The following RBM19 variants were observed in gnomAD, a reference collection of about 807,000 sequenced individuals.
RBM19 encodes the protein RNA binding motif protein 19.
A neutral mutation model predicts 116.8 loss-of-function variants in RBM19; 94 were observed. That is an observed-to-expected ratio of 0.80 (90% CI 0.68 to 0.95). The LOEUF is 0.95. Ranked by LOEUF, RBM19 falls within the 40% of genes least tolerant of loss-of-function variation. RBM19 has a pLI of 0.00. For synonymous variants in RBM19, 475 were observed against 494.1 expected (o/e 0.96, Z 0.51); for missense variants, 1,161 against 1,220.7 (o/e 0.95, Z 0.73).
At chr12:113,848,695 G>T (rs138629432) in intron 22 of RBM19, among the ~76,000 whole-genome samples, 2,662 of 152,134 alleles carry the variant, frequency 0.017, 92 homozygotes, top group African/African-American at 0.06. Context: ...TCCCTCCCTG[G>T]TGTCTACCTA....
At chr12:113,874,285 T>A (rs996630201) in intron 21 of RBM19, among the ~76,000 whole-genome samples, 3 of 152,026 alleles carry the variant, frequency 2.0e-5, no homozygotes, top group African/African-American at 4.8e-5. Context: ...ATGAATGGAG[T>A]TATTAATGGA....
At chr12:113,923,712 C>G (rs919887062) in intron 18 of RBM19, among the ~76,000 whole-genome samples, 1 of 152,246 alleles carries the variant, frequency 6.6e-6, no homozygotes, top group African/African-American at 2.4e-5. Context: ...CTCTGCCCCC[C>G]ACCCCTCCCA....
chr12:113,907,843 G>T (rs1882170597), intron 21 of RBM19, among the ~76,000 whole-genome samples: 1 of 152,204 alleles, frequency 6.6e-6, no homozygotes, highest in Non-Finnish European at 1.5e-5. Flanking sequence ...ATCAAGGTAG[G>T]ATGAGGTCAT....
At chr12:113,962,188 T>A (rs755005483) in intron 2 of RBM19, 44 bp downstream of exon 2, 1 of 1,602,082 alleles carries the variant, frequency 6.2e-7, no homozygotes, top group South Asian at 1.1e-5. Flanking sequence ...TCAAACAACG[T>A]CACACTTGAC....
At chr12:113,911,058 G>C (rs111863476) in intron 21 of RBM19, among the ~76,000 whole-genome samples, 5 of 152,334 alleles carry the variant, frequency 3.3e-5, no homozygotes, top group East Asian at 1.9e-4. Context: ...TGGCGGTGGG[G>C]GGGGTGGGAA....
rs1455865337 is a variant in RBM19 at position 113,822,936 on chromosome 12, C to G, written c.*288G>C. The G allele has an allele frequency of 2.9e-6, 1 of 346,888 alleles. No homozygotes were observed. The highest frequency in any genetic ancestry group is 2.1e-5 in the African/African-American group (1 of 46,816). The allele number at this position is 346,888 out of a possible 1,614,324, so 21.5% of individuals were successfully genotyped here. A position where few individuals can be genotyped will look rare whatever the true frequency, so the allele number is the denominator to read the frequency against. ...CCTGTGTAGCTGTTCCCAAGTCTCT[C>G]TTCCTAACGTGGCTGCTCCCTTGGA... On this transcript the variant is annotated 3_prime_UTR_variant, in exon 24 of 24. Coordinates refer to ENST00000261741, the MANE Select transcript of RBM19 (RefSeq NM_016196.4).
chr12:113,867,842 C>T (rs966432508), intron 21 of RBM19, among the ~76,000 whole-genome samples: 3 of 152,122 alleles, frequency 2.0e-5, no homozygotes, highest in Non-Finnish European at 4.4e-5. Context: ...GGCAGGAGAA[C>T]TGCTTGAACC....
intron 20 of RBM19, among the ~76,000 whole-genome samples, chr12:113,915,852 G>C (rs771799575): frequency 6.6e-6 from 1 of 152,182 alleles, no homozygotes; most frequent in East Asian, 1.9e-4. Flanking sequence ...AACAGCAGCT[G>C]TTATGATAAT....
rs534372533 is a variant in RBM19, at chr12:113,861,353, G to A, written c.2559-2457C>T. 1.2e-4 allele frequency among the ~76,000 whole-genome samples: 18 copies of A among 152,290 alleles called. No individual in the cohort carries two copies. The South Asian group carries it at 1.9e-3, about 16-fold the overall frequency. On this transcript the variant is annotated intron_variant, in intron 21 of 23. Transcript: ENST00000261741. ...CCACCAGGCAAGGTGGGGGTAGACC[G>A]AGTCCCAGTTCCTTCTGCCCACACT...
At position 113,860,114 on chromosome 12, in the gene RBM19, C is replaced by T. The variant is rs143487622; in HGVS notation, c.2559-1218G>A. ...CTCTGCTCCCCCCTCCTGGTGCCTC[C>T]TCTGTGCAGGCAACGAGAAACGGCA... On this transcript the variant is annotated intron_variant, in intron 21 of 23. Coordinates refer to ENST00000261741, the MANE Select transcript of RBM19 (RefSeq NM_016196.4). Among the ~76,000 whole-genome samples, 575 of 152,354 alleles carry T rather than the reference C, an allele frequency of 3.8e-3. 2 individuals are homozygous for T. Among genetic ancestry groups the T allele is most frequent in the Non-Finnish European group, 5.5e-3 (374 of 68,040 alleles).
At chr12:113,844,208 C>G (rs1336764858) in intron 23 of RBM19, among the ~76,000 whole-genome samples, 2 of 152,220 alleles carry the variant, frequency 1.3e-5, no homozygotes, top group African/African-American at 4.8e-5. Context: ...TGGACCGGGT[C>G]ATGGAGGAAA....
rs1465005169 is a variant in RBM19, at chr12:113,822,853, T to TG, written c.*370dup. The TG allele has an allele frequency of 1.7e-5, 3 of 174,124 alleles. No homozygotes were observed. Among genetic ancestry groups the TG allele is most frequent in the Non-Finnish European group, 3.6e-5 (3 of 82,888 alleles). 10.8% of individuals were successfully genotyped at this position (174,124 alleles called of 1,614,324 possible). A position where few individuals can be genotyped will look rare whatever the true frequency, so the allele number is the denominator to read the frequency against. ...TCCAAGCAGCCTGATGCCAGAGAGC[T>TG]GGCCCTCGTCCCCTTACTCTCCTGG... On this transcript the variant is annotated 3_prime_UTR_variant, in exon 24 of 24. Transcript: ENST00000261741.
chr12:113,868,765 TTAAC>T (rs1488480625), intron 21 of RBM19, among the ~76,000 whole-genome samples: 2 of 152,168 alleles, frequency 1.3e-5, no homozygotes, highest in Admixed American at 6.5e-5. Context: ...GCCTTGGTCT[TTAAC>T]TAACATTCAG....
At chr12:113,826,668 A>C (rs1028950093) in intron 23 of RBM19, among the ~76,000 whole-genome samples, 1 of 152,138 alleles carries the variant, frequency 6.6e-6, no homozygotes, top group African/African-American at 2.4e-5. Flanking sequence ...TCAATTTCTA[A>C]CCTGTAAAAT....
chr12:113,869,112 C>T (rs940805272), intron 21 of RBM19, among the ~76,000 whole-genome samples: 3 of 152,142 alleles, frequency 2.0e-5, no homozygotes, highest in Admixed American at 6.5e-5. Flanking sequence ...GCAGGTGACC[C>T]CTCCTAAGCC....
chr12:113,964,567 C>T (rs1484495881), intron 1 of RBM19, among the ~76,000 whole-genome samples: 1 of 152,206 alleles, frequency 6.6e-6, no homozygotes, highest in East Asian at 1.9e-4. Context: ...AGAGACATGT[C>T]TAACCTGATG....
rs1566034364 is a variant in RBM19 at position 113,945,806 on chromosome 12, G to C, written c.1626+22C>G. ...TTCAGTTTGGCCCAGATCCCAGAGA[G>C]GACTGGTCGGCCCTTACTCACGTGG... On this transcript the variant is annotated intron_variant, in intron 13 of 23. Transcript: ENST00000261741. 3 of 1,517,924 alleles carry C rather than the reference G, an allele frequency of 2.0e-6. 1 individual carries two copies. The Middle Eastern group carries it at 5.2e-4, about 261-fold the overall frequency. The allele number at this position is 1,517,924 out of a possible 1,614,324, so 94.0% of individuals were successfully genotyped here.
chr12:113,844,239 C>A (rs1876749793), intron 23 of RBM19, among the ~76,000 whole-genome samples: 1 of 152,220 alleles, frequency 6.6e-6, no homozygotes, highest in South Asian at 2.1e-4. Flanking sequence ...AGAGTGTGGT[C>A]CCCAGGGCTG....
chr12:113,822,137 A>AC lies in RBM19; in HGVS notation c.*1086dup, dbSNP rs2135672302. The AC allele has an allele frequency of 1.3e-5, 2 of 152,096 alleles. No homozygotes were observed. Among genetic ancestry groups the AC allele is most frequent in the East Asian group, 3.9e-4 (2 of 5,174 alleles). The allele number at this position is 152,096 out of a possible 1,614,324, so 9.4% of individuals were successfully genotyped here. A position where few individuals can be genotyped will look rare whatever the true frequency, so the allele number is the denominator to read the frequency against. On this transcript the variant is annotated 3_prime_UTR_variant, in exon 24 of 24. Transcript: ENST00000261741. The stretch of plus-strand genomic sequence containing the variant: ...TCTATCTGAGGTAGGCACAATTATC[A>AC]CCCCCATTTCCTAGAGAGAAAAACA...
Sources: allele counts gnomAD v4.1 joint callset (sites outside exome capture counted in the v4.1 genomes callset), GRCh38; gene constraint gnomAD v4.1.1; transcripts MANE v1.5; gene names NCBI Gene and HGNC (gene_info 2026-07-23, HGNC 2026-07-21).